Variants in PCNX1 observed in about 807,000 individuals in gnomAD.
The protein encoded by PCNX1 is pecanex 1, also known as pecanex-like protein 1.
PCNX1 carries 78 observed loss-of-function variants against 242.2 expected under a neutral mutation model. The observed-to-expected ratio is 0.32, with a 90% confidence interval of 0.27 to 0.39. PCNX1 has a LOEUF of 0.39. PCNX1 is among the 10% of genes least tolerant of loss of function. The pLI, the probability that PCNX1 is intolerant of heterozygous loss-of-function variation, is 1.00. For synonymous variants in PCNX1, 1,024 were observed against 1,032.9 expected (o/e 0.99, Z 0.17); for missense variants, 2,581 against 2,856.5 (o/e 0.90, Z 2.20).
chr14:70,949,252 TACACACACACGTGTATGC>T (rs2057642870), intron 2 of PCNX1, among the ~76,000 whole-genome samples: 10 of 72,710 alleles, frequency 1.4e-4, no homozygotes, highest in African/African-American at 4.2e-4. Context: ...CACACGTGTA[TACACACACACGTGTATGC>T]ACACACGTGT....
At chr14:70,909,525 A>C (rs751973748) in intron 1 of PCNX1, among the ~76,000 whole-genome samples, 1 of 152,206 alleles carries the variant, frequency 6.6e-6, no homozygotes, top group Non-Finnish European at 1.5e-5. Flanking sequence ...GTCCAGAAGA[A>C]TTGTAGATTT....
chr14:71,027,611 A>G (rs1186433331), intron 15 of PCNX1, among the ~76,000 whole-genome samples: 1 of 151,948 alleles, frequency 6.6e-6, no homozygotes, highest in East Asian at 1.9e-4. Context: ...TCATTTCTCT[A>G]CACGTTTCAC....
chr14:71,013,606 C>T (rs907403136), intron 11 of PCNX1, among the ~76,000 whole-genome samples: 1 of 151,528 alleles, frequency 6.6e-6, no homozygotes, highest in Non-Finnish European at 1.5e-5. Context: ...ACTTGGTGAC[C>T]AACAGCTGTT....
chr14:71,088,530 A>G (rs759001874), intron 29 of PCNX1, 100 bp downstream of exon 29: 49 of 640,304 alleles, frequency 7.7e-5, no homozygotes, highest in Admixed American at 1.3e-4. Context: ...ATGCTAATTT[A>G]TTGTAAAGTC....
intron 28 of PCNX1, among the ~76,000 whole-genome samples, chr14:71,079,994 T>C (rs966428734): frequency 2.0e-5 from 3 of 152,256 alleles, no homozygotes; most frequent in Admixed American, 6.5e-5. Context: ...CTAGAGTTTT[T>C]ATGGATTTAG....
chr14:71,025,471 C>T (rs2060216861), intron 13 of PCNX1, among the ~76,000 whole-genome samples: 1 of 151,958 alleles, frequency 6.6e-6, no homozygotes, highest in African/African-American at 2.4e-5. Flanking sequence ...AAAGTAAGAT[C>T]TAGTTGCTAG....
intron 12 of PCNX1, among the ~76,000 whole-genome samples, chr14:71,021,996 C>T (rs2060115822): frequency 1.3e-5 from 2 of 152,090 alleles, no homozygotes; most frequent in Admixed American, 6.6e-5. Flanking sequence ...AAGTCTTCAC[C>T]TCTTTTGCAA....
At chr14:70,992,687 T>C (rs926910173) in intron 7 of PCNX1, among the ~76,000 whole-genome samples, 1 of 152,206 alleles carries the variant, frequency 6.6e-6, no homozygotes, top group Non-Finnish European at 1.5e-5. Flanking sequence ...TGATAGCTGA[T>C]AGTTTTAGAC....
Position 71,111,394 on chromosome 14 carries a change from A to T in PCNX1, c.*1459A>T, listed in dbSNP as rs767736633. Reference sequence around the variant, plus strand: ...TCTTTCTACCCCTTGTGAATAAATCATTGAAAGAAACAGGTAAAATTAATT... The same window carrying T: ...TCTTTCTACCCCTTGTGAATAAATCTTTGAAAGAAACAGGTAAAATTAATT... On this transcript the variant is annotated 3_prime_UTR_variant, in exon 36 of 36. Transcript: ENST00000304743. 6 of 152,640 alleles carry T rather than the reference A, an allele frequency of 3.9e-5. No individual in the cohort carries two copies. Among genetic ancestry groups the T allele is most frequent in the Admixed American group, 1.3e-4 (2 of 15,290 alleles). 9.5% of individuals were successfully genotyped at this position (152,640 alleles called of 1,614,324 possible).
At chr14:71,086,666 G>A (rs956554195) in intron 28 of PCNX1, among the ~76,000 whole-genome samples, 2 of 152,136 alleles carry the variant, frequency 1.3e-5, no homozygotes, top group South Asian at 2.1e-4. Context: ...TCCTCTTTGC[G>A]TGTGTGCTGT....
chr14:71,047,151 T>A (rs1466736077), intron 21 of PCNX1, 46 bp downstream of exon 21: 1 of 1,139,434 alleles, frequency 8.8e-7, no homozygotes, highest in African/African-American at 1.6e-5. Context: ...TGGGGGCTGT[T>A]ATAAACAATG....
At chr14:71,063,029 G>C (rs528978325) in intron 26 of PCNX1, among the ~76,000 whole-genome samples, 5 of 152,254 alleles carry the variant, frequency 3.3e-5, no homozygotes, top group Non-Finnish European at 7.4e-5. Flanking sequence ...GTAGCAGGCT[G>C]TACCATCTAG....
At chr14:70,917,258 A>G (rs2056186502) in intron 1 of PCNX1, among the ~76,000 whole-genome samples, 1 of 152,162 alleles carries the variant, frequency 6.6e-6, no homozygotes, top group Non-Finnish European at 1.5e-5. Flanking sequence ...CCCATGAATC[A>G]TGTATGTTCT....
Position 70,907,748 on chromosome 14 carries a change from T to A in PCNX1, c.-103T>A, listed in dbSNP as rs1195860048. ...GCTCGCTCACCCGGAGCTCCGGAGG[T>A]GGATAGACGGGGCAGCTGCAGGCTC... On this transcript the variant is annotated 5_prime_UTR_variant, in exon 1 of 36. Transcript: ENST00000304743. 8.7e-7 allele frequency: 1 copy of A among 1,154,104 alleles called. No individual in the cohort carries two copies. Among genetic ancestry groups the A allele is most frequent in the African/African-American group, 1.7e-5 (1 of 60,104 alleles). 71.5% of individuals were successfully genotyped at this position (1,154,104 alleles called of 1,614,324 possible).
At chr14:70,990,945 C>T (rs1186711022) in intron 7 of PCNX1, among the ~76,000 whole-genome samples, 3 of 152,028 alleles carry the variant, frequency 2.0e-5, no homozygotes, top group African/African-American at 4.8e-5. Context: ...TGCTTTCTTA[C>T]TCCATGTTTA....
intron 30 of PCNX1, among the ~76,000 whole-genome samples, chr14:71,091,231 A>G (rs749947887): frequency 1.3e-4 from 20 of 152,220 alleles, no homozygotes; most frequent in Non-Finnish European, 2.1e-4. Flanking sequence ...TTTGAGCAAG[A>G]CATTAGGTTG....
intron 1 of PCNX1, among the ~76,000 whole-genome samples, chr14:70,940,844 C>T (rs1294861205): frequency 6.6e-6 from 1 of 152,230 alleles, no homozygotes; most frequent in Non-Finnish European, 1.5e-5. Flanking sequence ...TCTTTTTTCT[C>T]TAAACTTCTC....
chr14:70,999,600 T>C (rs1295784627), intron 8 of PCNX1, among the ~76,000 whole-genome samples: 1 of 152,154 alleles, frequency 6.6e-6, no homozygotes, highest in Admixed American at 6.5e-5. Flanking sequence ...AGGTTTTCTT[T>C]TGTTTTATTA....
At chr14:70,960,649 T>G (rs1216419497) in intron 2 of PCNX1, among the ~76,000 whole-genome samples, 9 of 152,030 alleles carry the variant, frequency 5.9e-5, no homozygotes, top group African/African-American at 2.2e-4. Flanking sequence ...AACATAGTGT[T>G]GGAAGTTTTG....
Sources: allele counts gnomAD v4.1 joint callset (sites outside exome capture counted in the v4.1 genomes callset), GRCh38; gene constraint gnomAD v4.1.1; transcripts MANE v1.5; gene names NCBI Gene and HGNC (gene_info 2026-07-23, HGNC 2026-07-21).